PTK2: variants seen among roughly 807,000 people sequenced by gnomAD.
PTK2 encodes the protein protein tyrosine kinase 2, also known as focal adhesion kinase 1.
Under a neutral mutation model 150.1 loss-of-function variants are expected in PTK2, and 45 were observed. The observed-to-expected ratio is 0.30, with a 90% CI of 0.24 to 0.38. The LOEUF (loss-of-function observed/expected upper bound fraction) is 0.38, where lower values mean the gene tolerates loss of function less well. PTK2 is among the 10% of genes least tolerant of loss of function. PTK2 has a pLI of 1.00. For missense variants in PTK2, 919 were observed against 1,307.3 expected (o/e 0.70, Z 4.58); for synonymous variants, 432 against 449.2 (o/e 0.96, Z 0.48).
intron 2 of PTK2, among the ~76,000 whole-genome samples, chr8:140,915,732 C>G (rs1480326631): frequency 6.6e-6 from 1 of 150,408 alleles, no homozygotes; most frequent in Non-Finnish European, 1.5e-5. Context: ...CCCGTCTCTA[C>G]TAAAAAAAAA....
intron 12 of PTK2, among the ~76,000 whole-genome samples, chr8:140,798,849 C>G (rs4961233): frequency 0.58 from 87,699 of 152,048 alleles, 26,791 homozygotes; most frequent in African/African-American, 0.78. Context: ...AAGTGCGACA[C>G]TGGAAGAAGA....
chr8:140,877,297 G>A (rs900241832), intron 4 of PTK2, among the ~76,000 whole-genome samples: 1 of 152,116 alleles, frequency 6.6e-6, no homozygotes, highest in Non-Finnish European at 1.5e-5. Context: ...GCCTCTCAAA[G>A]TGCTGGGATT....
upstream of PTK2, chr8:141,001,471 C>T (rs2100200243): frequency 6.6e-6 from 1 of 152,254 alleles, no homozygotes; most frequent in South Asian, 2.1e-4. Flanking sequence ...CCTGTAGTGA[C>T]CGCGCCGGGG....
intron 1 of PTK2, among the ~76,000 whole-genome samples, chr8:140,992,017 C>A (rs914449799): frequency 2.0e-5 from 3 of 152,094 alleles, no homozygotes; most frequent in African/African-American, 7.2e-5. Flanking sequence ...ACAGGCCAGG[C>A]ACAGTGGCTC....
At chr8:140,668,184 G>GA (rs2093452965) in intron 30 of PTK2, 85 bp downstream of exon 34, 6 of 1,503,674 alleles carry the variant, frequency 4.0e-6, no homozygotes, top group Middle Eastern at 3.4e-4. Context: ...TGGGGCGGGG[G>GA]GACCTAGAGA....
chr8:140,800,052 T>G (rs2100094024), intron 12 of PTK2, among the ~76,000 whole-genome samples: 1 of 152,220 alleles, frequency 6.6e-6, no homozygotes, highest in African/African-American at 2.4e-5. Flanking sequence ...CTTTGAATGC[T>G]CTAAGCTTTT....
intron 2 of PTK2, among the ~76,000 whole-genome samples, chr8:140,895,164 T>C (rs1441356587): frequency 6.6e-6 from 1 of 152,192 alleles, no homozygotes; most frequent in Non-Finnish European, 1.5e-5. Flanking sequence ...TCAAAGTATT[T>C]TGAATTAAAT....
chr8:140,674,459 G>A, intron 28 of PTK2, 55 bp from the exon 32 acceptor site: 1 of 1,478,838 alleles, frequency 6.8e-7, no homozygotes, highest in South Asian at 1.2e-5. Flanking sequence ...AGATTAAGAG[G>A]CTGGGGGCAG....
chr8:140,744,062 CCA>C lies in PTK2; in HGVS notation c.1634+588_1634+589del, dbSNP rs796741478. 3.3e-3 allele frequency among the ~76,000 whole-genome samples: 496 copies of C among 150,020 alleles called. 2 individuals carry two copies. Among genetic ancestry groups the C allele is most frequent in the Middle Eastern group, 6.9e-3 (2 of 288 alleles). The stretch of plus-strand genomic sequence containing the variant: ...AAAGTGCTGGGACTACAGCTATGAG[CCA>C]CCGCGCCCGGCCTATTTCTTTTTTT... On this transcript the variant is annotated intron_variant, in intron 19 of 31. Coordinates refer to ENST00000522684, the Ensembl canonical transcript of PTK2.
chr8:140,759,222 A>T (rs1565801549), intron 16 of PTK2, among the ~76,000 whole-genome samples: 2 of 152,230 alleles, frequency 1.3e-5, no homozygotes, highest in Non-Finnish European at 2.9e-5. Flanking sequence ...ACATGCAATA[A>T]CAAATGTTGG....
At chr8:140,702,128 C>CAAAAAAAAA (rs749591009) in intron 25 of PTK2, among the ~76,000 whole-genome samples, 5 of 42,714 alleles carry the variant, frequency 1.2e-4, no homozygotes, top group Non-Finnish European at 1.6e-4. Context: ...ACTCTGTCTC[C>CAAAAAAAAA]AAAAAAAAAA....
chr8:140,985,613 T>C (rs997384989), intron 1 of PTK2, among the ~76,000 whole-genome samples: 3 of 152,130 alleles, frequency 2.0e-5, no homozygotes, highest in African/African-American at 7.2e-5. Flanking sequence ...TCTCCCCACC[T>C]GGCTAATTCC....
chr8:140,739,465 G>A (rs1346827227), intron 20 of PTK2, among the ~76,000 whole-genome samples: 1 of 152,172 alleles, frequency 6.6e-6, no homozygotes, highest in Non-Finnish European at 1.5e-5. Context: ...AGGTTAGAAT[G>A]CTCGCTATAC....
intron 4 of PTK2, among the ~76,000 whole-genome samples, chr8:140,870,431 C>T (rs1262648864): frequency 1.3e-5 from 2 of 152,088 alleles, no homozygotes; most frequent in African/African-American, 2.4e-5. Context: ...AACAAGTGAG[C>T]TAAGTGCTCA....
intron 1 of PTK2, among the ~76,000 whole-genome samples, chr8:140,935,702 C>CTTTTTTTTTTTTTTTTTTT (rs34554819): frequency 8.1e-6 from 1 of 123,860 alleles, no homozygotes; most frequent in Non-Finnish European, 1.6e-5. Context: ...ATGTCCTCAT[C>CTTTTTTTTTTTTTTTTTTT]TTTTTTTTTT....
intron 1 of PTK2, among the ~76,000 whole-genome samples, chr8:140,960,622 T>C (rs1174174349): frequency 3.3e-5 from 5 of 152,180 alleles, no homozygotes; most frequent in African/African-American, 1.2e-4. Context: ...GAATGACTTA[T>C]CAGGTGAACT....
intron 1 of PTK2, among the ~76,000 whole-genome samples, chr8:140,967,208 C>T (rs756720203): frequency 3.3e-5 from 5 of 152,208 alleles, no homozygotes; most frequent in Admixed American, 2.0e-4. Context: ...CACTCAAAAT[C>T]ATGCTGCTAT....
chr8:140,802,190 C>A (rs910545240), intron 11 of PTK2, among the ~76,000 whole-genome samples: 3 of 151,874 alleles, frequency 2.0e-5, no homozygotes, highest in African/African-American at 7.3e-5. Context: ...TGTGTTACGG[C>A]CCCTGAAGAC....
chr8:140,833,304 T>C lies in PTK2; in HGVS notation c.594-2778A>G, dbSNP rs543723529. On this transcript the variant is annotated intron_variant, in intron 7 of 31. Coordinates refer to ENST00000522684, the Ensembl canonical transcript of PTK2. Reference sequence around the variant, plus strand: ...TAGAACTTTTTTGATACCTGGCAGTTGAGAAAATAAAAATGAGGCTCAAGT... The same window carrying C: ...TAGAACTTTTTTGATACCTGGCAGTCGAGAAAATAAAAATGAGGCTCAAGT... Among the ~76,000 whole-genome samples, 62 of 152,306 alleles carry C rather than the reference T, an allele frequency of 4.1e-4. 1 individual carries two copies. The South Asian group carries it at 0.012, about 31-fold the overall frequency.
Sources: allele counts gnomAD v4.1 joint callset (sites outside exome capture counted in the v4.1 genomes callset), GRCh38; gene constraint gnomAD v4.1.1; transcripts MANE v1.5; gene names NCBI Gene and HGNC (gene_info 2026-07-23, HGNC 2026-07-21).